Variants in ABCC8 observed in about 807,000 individuals in gnomAD.
ABCC8 encodes the protein ATP binding cassette subfamily C member 8, also known as ATP-binding cassette sub-family C member 8.
In ABCC8, 137 loss-of-function variants were observed where a neutral mutation model predicts 188.0. The ratio of observed to expected loss-of-function variants is 0.73; its 90% CI spans 0.63 to 0.84. ABCC8 has a LOEUF of 0.84. ABCC8 is among the 40% of genes least tolerant of loss of function. The pLI, the probability that ABCC8 is intolerant of heterozygous loss-of-function variation, is 0.00. For synonymous variants in ABCC8, 797 were observed against 846.5 expected, an observed-to-expected ratio of 0.94 and a Z score of 1.01; for missense variants, 1,750 against 2,072.7, an observed-to-expected ratio of 0.84 and a Z score of 3.02.
chr11:17,405,647 G>C (rs1954480772), intron 26 of ABCC8, 84 bp from the exon 27 acceptor site: 1 of 1,607,112 alleles, frequency 6.2e-7, no homozygotes, highest in Admixed American at 1.7e-5. Context: ...ATTATTTCAT[G>C]TAAGTGTCTC....
chr11:17,392,851 G>A (rs543724936), downstream of ABCC8: 19 of 1,035,646 alleles, frequency 1.8e-5, no homozygotes, highest in Admixed American at 1.4e-4. Flanking sequence ...ACCATCCACC[G>A]CCAGCCCCTG....
chr11:17,442,687 GCACCCA>G (rs1956362729), intron 10 of ABCC8, 27 bp downstream of exon 10: 1 of 1,603,624 alleles, frequency 6.2e-7, no homozygotes, highest in Non-Finnish European at 8.5e-7. Context: ...GTACGCAGCA[GCACCCA>G]GGGCTGGCTG....
At chr11:17,424,907 C>G (rs1419629929) in intron 16 of ABCC8, among the ~76,000 whole-genome samples, 2 of 152,226 alleles carry the variant, frequency 1.3e-5, no homozygotes, top group East Asian at 3.8e-4. Context: ...CAACACTCCC[C>G]TCCTAAACTT....
At chr11:17,394,168 G>T in intron 37 of ABCC8, 98 bp downstream of exon 37, 1 of 1,455,752 alleles carries the variant, frequency 6.9e-7, no homozygotes, top group Non-Finnish European at 9.6e-7. Flanking sequence ...GATGTTAGAG[G>T]CAACTTGAGC....
At chr11:17,405,011 TGCCTCC>T (rs1954447386) in intron 27 of ABCC8, among the ~76,000 whole-genome samples, 1 of 152,140 alleles carries the variant, frequency 6.6e-6, no homozygotes, top group Non-Finnish European at 1.5e-5. Context: ...GTGATCCGCC[TGCCTCC>T]GCCTCCCAAA....
At chr11:17,469,146 C>T (rs1414946897) in intron 3 of ABCC8, among the ~76,000 whole-genome samples, 1 of 147,926 alleles carries the variant, frequency 6.8e-6, no homozygotes, top group Non-Finnish European at 1.5e-5. Flanking sequence ...GGCTGGACTG[C>T]AGTGGCGCGA....
In ABCC8 at chr11:17,415,318, G is replaced by A. The variant is rs1801261; in HGVS notation, c.2277C>T (p.Thr759=). The stretch of plus-strand genomic sequence containing the variant: ...GGACGCAGTACCTGATATCCAAGTC[G>A]GTCGCTGTCTCCCGCTCTGGGCTGC... ...EDPSPERETA[T]DLDIRKRGPV... is the part of the protein sequence containing the mutation. Residue 759 remains threonine (T), a synonymous_variant, in exon 18 of 39, where the codon ACC becomes ACT. Transcript: ENST00000389817. The A allele has an allele frequency of 0.042, 67,971 of 1,610,186 alleles. 1,755 individuals carry two copies. Among genetic ancestry groups the A allele is most frequent in the Non-Finnish European group, 0.052 (61,182 of 1,178,772 alleles).
chr11:17,445,142 A>C (rs1956474285), intron 8 of ABCC8, among the ~76,000 whole-genome samples: 1 of 152,248 alleles, frequency 6.6e-6, no homozygotes, highest in South Asian at 2.1e-4. Context: ...GGAGACTGGG[A>C]AACACAGAGG....
chr11:17,443,441 C>T (rs1400251191), intron 8 of ABCC8, 129 bp from the exon 9 acceptor site: 3 of 1,516,960 alleles, frequency 2.0e-6, no homozygotes, highest in Non-Finnish European at 2.7e-6. Context: ...TCCAAATTAT[C>T]TTGGGGAGTG....
At position 17,397,838 on chromosome 11, in the gene ABCC8, G is replaced by A. The variant is rs372917169; in HGVS notation, c.3754-41C>T. On this transcript the variant is annotated intron_variant, in intron 30 of 38. Transcript: ENST00000389817. ...AGCTGACCTGGGCGCTCAGGGGTTAGAGCCACAGGCCCCTGTTCTACCTCA... is the reference window on the plus strand; with the variant it reads ...AGCTGACCTGGGCGCTCAGGGGTTAAAGCCACAGGCCCCTGTTCTACCTCA... 5 of 1,609,638 alleles carry A rather than the reference G, an allele frequency of 3.1e-6. No individual in the cohort carries two copies. The Admixed American group carries it at 6.7e-5, about 22-fold the overall frequency.
intron 36 of ABCC8, 42 bp downstream of exon 36, chr11:17,395,130 T>G (rs1342844518): frequency 1.3e-6 from 2 of 1,552,614 alleles, no homozygotes; most frequent in East Asian, 2.4e-5. Flanking sequence ...ACAGGGTCCT[T>G]GAGTGCCCAA....
chr11:17,436,590 G>A (rs1392348397), intron 10 of ABCC8, among the ~76,000 whole-genome samples: 2 of 152,220 alleles, frequency 1.3e-5, no homozygotes, highest in South Asian at 2.1e-4. Flanking sequence ...CTCAGATCTT[G>A]AAAGTTAAGG....
intron 35 of ABCC8, 159 bp from the exon 36 acceptor site, chr11:17,395,434 C>CTGGA (rs1953864117): frequency 6.7e-7 from 1 of 1,485,094 alleles, no homozygotes; most frequent in Non-Finnish European, 9.0e-7. Context: ...ATCTTAGACC[C>CTGGA]ATGGGTGGGG....
intron 14 of ABCC8, 113 bp from the exon 15 acceptor site, chr11:17,428,055 C>T: frequency 1.3e-6 from 2 of 1,588,258 alleles, no homozygotes; most frequent in African/African-American, 1.3e-5. Context: ...GATTCCAGCC[C>T]CTGGATCACT....
At chr11:17,432,138 G>A in intron 11 of ABCC8, 66 bp downstream of exon 11, 1 of 1,545,644 alleles carries the variant, frequency 6.5e-7, no homozygotes, top group South Asian at 1.2e-5. Context: ...AATCTGGGCA[G>A]CCTGTCACTG....
intron 1 of ABCC8, 72 bp downstream of exon 1, chr11:17,476,557 G>A (rs1848787739): frequency 1.9e-6 from 3 of 1,551,314 alleles, no homozygotes; most frequent in African/African-American, 2.8e-5. Flanking sequence ...GCCGAGCGGT[G>A]CGGCGCGCAG....
Position 17,428,680 on chromosome 11 carries a change from A to C in ABCC8, c.1818-10T>G. On this transcript the variant is annotated splice_polypyrimidine_tract_variant and intron_variant, in intron 12 of 38. Transcript: ENST00000389817. ...GCTTAGCTTTTGCACGCTGCTCGGG[A>C]AGCACAGAGACACCCCTCACCCCTG... The C allele has an allele frequency of 6.2e-7, 1 of 1,611,452 alleles. No individual in the cohort carries two copies. Among genetic ancestry groups the C allele is most frequent in the Non-Finnish European group, 8.5e-7 (1 of 1,180,006 alleles).
chr11:17,430,762 G>C (rs769321367), intron 12 of ABCC8, 52 bp downstream of exon 12: 1 of 1,585,610 alleles, frequency 6.3e-7, no homozygotes, highest in Non-Finnish European at 8.7e-7. Flanking sequence ...CAAGCCTTGA[G>C]GCTGACACAG....
rs1954972210 is a variant in ABCC8, at chr11:17,414,556, A to C, written c.2346T>G (p.Thr782=). Residue 782 remains threonine (T), a synonymous_variant, in exon 19 of 39, where the codon ACT becomes ACG. Transcript: ENST00000389817. ...TCTCAAAGATGATGTTCTCCTCCAC[A>C]GTGGCATTTAGCAGCCATGGTTTCT... ...ASQKPWLLNA[T]VEENIIFESP... 6.8e-6 allele frequency: 11 copies of C among 1,614,116 alleles called. No individual in the cohort carries two copies. The highest frequency in any genetic ancestry group is 9.3e-6 in the Non-Finnish European group (11 of 1,180,052).
Sources: allele counts gnomAD v4.1 joint callset (sites outside exome capture counted in the v4.1 genomes callset), GRCh38; gene constraint gnomAD v4.1.1; transcripts MANE v1.5; gene names NCBI Gene and HGNC (gene_info 2026-07-23, HGNC 2026-07-21).